The following NSD1 variants were observed in gnomAD, a reference collection of about 807,000 sequenced individuals.
NSD1 encodes histone-lysine N-methyltransferase, H3 lysine-36 specific.
Under a neutral mutation model 242.7 loss-of-function variants are expected in NSD1, and 26 were observed. That is an observed-to-expected ratio of 0.11 (90% confidence interval 0.08 to 0.15). The LOEUF (loss-of-function observed/expected upper bound fraction) is 0.15, where lower values mean the gene tolerates loss of function less well. Ranked by LOEUF, NSD1 falls within the 10% of genes least tolerant of loss-of-function variation. The pLI is 1.00. For synonymous variants in NSD1, 1,106 were observed against 1,178.1 expected (o/e 0.94, Z 1.25); for missense variants, 2,495 against 3,272.8 (o/e 0.76, Z 5.80).
chr5:177,250,733 A>T (rs1351497319), intron 11 of NSD1, among the ~76,000 whole-genome samples: 1 of 152,206 alleles, frequency 6.6e-6, no homozygotes, highest in Non-Finnish European at 1.5e-5. Flanking sequence ...TTCCCCTATC[A>T]ATTCCAGGCT....
chr5:177,216,438 G>T (rs560479135), intron 5 of NSD1, among the ~76,000 whole-genome samples: 1 of 151,862 alleles, frequency 6.6e-6, no homozygotes, highest in East Asian at 1.9e-4. Flanking sequence ...TTTTTCGTCT[G>T]TTTTCTTCTA....
chr5:177,200,059 G>T (rs535365596), intron 3 of NSD1, among the ~76,000 whole-genome samples: 8 of 152,018 alleles, frequency 5.3e-5, no homozygotes, highest in African/African-American at 1.9e-4. Flanking sequence ...TTGGTTATTT[G>T]ACTTTTAAAA....
At chr5:177,228,172 C>A (rs1426301715) in intron 5 of NSD1, among the ~76,000 whole-genome samples, 1 of 151,724 alleles carries the variant, frequency 6.6e-6, no homozygotes, top group Non-Finnish European at 1.5e-5. Flanking sequence ...TAGTGCAATG[C>A]AGTTATTTTG....
At chr5:177,257,907 A>G (rs1756644854) in intron 13 of NSD1, among the ~76,000 whole-genome samples, 1 of 135,338 alleles carries the variant, frequency 7.4e-6, no homozygotes, top group Non-Finnish European at 1.5e-5. Context: ...CTCGTGAGCC[A>G]CTCACCTCAG....
At chr5:177,188,894 T>C (rs752618240) in intron 2 of NSD1, among the ~76,000 whole-genome samples, 3 of 152,116 alleles carry the variant, frequency 2.0e-5, no homozygotes, top group Non-Finnish European at 4.4e-5. Context: ...ATTCCATCTC[T>C]ACAAAAAATA....
chr5:177,176,905 A>G (rs1760252843), intron 2 of NSD1, among the ~76,000 whole-genome samples: 1 of 152,180 alleles, frequency 6.6e-6, no homozygotes, highest in Non-Finnish European at 1.5e-5. Flanking sequence ...TGAGCTCATT[A>G]ATTAATTGGA....
chr5:177,149,062 AC>A, intron 2 of NSD1, among the ~76,000 whole-genome samples: 1 of 151,450 alleles, frequency 6.6e-6, no homozygotes, highest in East Asian at 2.0e-4. Flanking sequence ...CAGGTAATCC[AC>A]CCATCTTGGC....
chr5:177,266,695 A>G (rs1459680599), intron 14 of NSD1: 1 of 290,500 alleles, frequency 3.4e-6, no homozygotes, highest in East Asian at 6.5e-5. Flanking sequence ...TAACTCGGAT[A>G]TATTCTTTGC....
chr5:177,243,101 T>A (rs556882665), intron 8 of NSD1, among the ~76,000 whole-genome samples: 9 of 152,240 alleles, frequency 5.9e-5, no homozygotes, highest in Admixed American at 5.9e-4. Flanking sequence ...CAGAACTGTT[T>A]AATTTACAGT....
chr5:177,227,041 T>G (rs557550726), intron 5 of NSD1, among the ~76,000 whole-genome samples: 11 of 152,330 alleles, frequency 7.2e-5, no homozygotes, highest in African/African-American at 2.6e-4. Flanking sequence ...TATTCTGTTA[T>G]GTTAAAATAT....
At position 177,210,396 on chromosome 5, in the gene NSD1, C is replaced by T; in HGVS notation, c.1997C>T (p.Pro666Leu). ...SESDNSVLEI[P>L]DAFDRTENML... ...TCTGATAACAGTGTCCTTGAAATTC[C>T]AGATGCTTTCGATAGAACAGAGAAC... The change falls in exon 5 of 23, where the codon CCA (proline) becomes CTA (leucine). Residue 666 changes from proline to leucine, a missense_variant. This residue lies in a region of NSD1 where 515 missense variants were observed against 467.0 expected (regional missense o/e 1.10). Transcript: ENST00000439151. 1 of 1,614,088 alleles carries T rather than the reference C, an allele frequency of 6.2e-7. No individual in the cohort carries two copies. The highest frequency in any genetic ancestry group is 8.5e-7 in the Non-Finnish European group (1 of 1,180,008).
In NSD1 at chr5:177,295,161, A is replaced by T. The variant is rs1211106181; in HGVS notation, c.7793A>T (p.Gln2598Leu). The change falls in exon 23 of 23, where the codon CAA (glutamine) becomes CTA (leucine). Residue 2598 changes from glutamine to leucine, a missense_variant. Physicochemically the swap from Gln to Leu is moderately radical, Grantham distance 113. Around this residue, in one of 19 missense-constraint regions of NSD1, gnomAD observed 475 missense variants for 563.7 expected, o/e 0.84. Coordinates refer to ENST00000439151, the MANE Select transcript of NSD1 (RefSeq NM_022455.5). This position sits in a 1 kb window ranked among gnomAD's most constrained non-coding sequence, Gnocchi z 4.3. ...QLPALAAKSG[Q>L]SFRSLGKAPA... ...CCTGCACTTGCCGCCAAGAGTGGGC[A>T]ATCTTTTAGGTCTCTCGGGAAGGCC... 6.2e-7 allele frequency: 1 copy of T among 1,614,170 alleles called. No homozygotes were observed. The highest frequency in any genetic ancestry group is 2.2e-5 in the East Asian group (1 of 44,880).
At chr5:177,230,458 G>T (rs954541092) in intron 5 of NSD1, among the ~76,000 whole-genome samples, 4 of 152,130 alleles carry the variant, frequency 2.6e-5, no homozygotes, top group Non-Finnish European at 5.9e-5. Context: ...GAGAGCTGGA[G>T]TATTGAAGCC....
At chr5:177,272,409 G>C (rs965220518) in intron 16 of NSD1, among the ~76,000 whole-genome samples, 1 of 152,134 alleles carries the variant, frequency 6.6e-6, no homozygotes, top group Non-Finnish European at 1.5e-5. Context: ...AAGAAAAAAG[G>C]ATAGGTCAGA....
At chr5:177,250,544 T>C (rs1755853042) in intron 11 of NSD1, among the ~76,000 whole-genome samples, 1 of 151,740 alleles carries the variant, frequency 6.6e-6, no homozygotes. Context: ...CGTTTTCCTA[T>C]TTAAGTGCTG....
chr5:177,251,188 T>TC (rs989489543), intron 11 of NSD1, among the ~76,000 whole-genome samples: 1 of 137,732 alleles, frequency 7.3e-6, no homozygotes, highest in African/African-American at 3.1e-5. Flanking sequence ...AGACTTCCTC[T>TC]CAAAAAAAAA....
rs753460351 is a variant in NSD1, at chr5:177,211,164, C to T, written c.2765C>T (p.Thr922Met). ...TTGAAAGATATGCATGATAGTAAGA[C>T]GAAGGAGCAGCGGTTGATGACTGCT... ...MMLKDMHDSK[T>M]KEQRLMTAQN... The change falls in exon 5 of 23, where the codon ACG (threonine) becomes ATG (methionine). Residue 922 changes from threonine to methionine, a missense_variant. Thr to Met is a moderately conservative substitution (Grantham distance 81). Around this residue, in one of 19 missense-constraint regions of NSD1, gnomAD observed 121 missense variants for 167.2 expected, o/e 0.72. Transcript: ENST00000439151. The T allele has an allele frequency of 2.2e-5, 36 of 1,613,994 alleles. No individual in the cohort carries two copies. The highest frequency in any genetic ancestry group is 2.6e-5 in the Non-Finnish European group (31 of 1,180,012).
chr5:177,136,586 G>A (rs1368718993), intron 2 of NSD1, among the ~76,000 whole-genome samples: 1 of 151,306 alleles, frequency 6.6e-6, no homozygotes, highest in Non-Finnish European at 1.5e-5. Context: ...CTGTGCTTTT[G>A]ATAACTGCCA....
At position 177,269,494 on chromosome 5, in the gene NSD1, A is replaced by C. The variant is rs1457107856; in HGVS notation, c.5304-108A>C. ...GTAAGAATGCCGTAAGATGGACTTT[A>C]ATGTGGACAGACAGACATTGCTAAT... On this transcript the variant is annotated intron_variant, in intron 15 of 22. Coordinates refer to ENST00000439151, the MANE Select transcript of NSD1 (RefSeq NM_022455.5). This position sits in a 1 kb window ranked among gnomAD's most constrained non-coding sequence, Gnocchi z 5.1. The C allele has an allele frequency of 1.0e-6, 1 of 953,706 alleles. No homozygotes were observed. The highest frequency in any genetic ancestry group is 1.6e-5 in the African/African-American group (1 of 61,852). The allele number at this position is 953,706 out of a possible 1,614,324, so 59.1% of individuals were successfully genotyped here. A position where few individuals can be genotyped will look rare whatever the true frequency, so the allele number is the denominator to read the frequency against.
Sources: allele counts gnomAD v4.1 joint callset (sites outside exome capture counted in the v4.1 genomes callset), GRCh38; gene constraint gnomAD v4.1.1; regional missense constraint gnomAD v4.1.1; non-coding constraint Gnocchi (gnomAD v3.1); transcripts MANE v1.5; gene names NCBI Gene and HGNC (gene_info 2026-07-23, HGNC 2026-07-21).